Variants in DLG2 observed in about 807,000 individuals in gnomAD.
DLG2 encodes disks large homolog 2.
Under a neutral mutation model 132.5 loss-of-function variants are expected in DLG2, and 45 were observed. The observed-to-expected ratio is 0.34, with a 90% CI of 0.27 to 0.44. DLG2 has a LOEUF of 0.44. DLG2 is among the 20% of genes least tolerant of loss of function. The probability of loss-of-function intolerance (pLI) is 1.00; values close to 1 mark genes in which losing one functional copy is unlikely to be tolerated. For missense variants in DLG2, 1,045 were observed against 1,196.9 expected, an observed-to-expected ratio of 0.87 and a Z score of 1.87; for synonymous variants, 424 against 419.6, an observed-to-expected ratio of 1.01 and a Z score of -0.13.
At chr11:83,902,491 A>T (rs7111282) in intron 15 of DLG2, among the ~76,000 whole-genome samples, 14,696 of 152,282 alleles carry the variant, frequency 0.097, 841 homozygotes, top group Middle Eastern at 0.2. Context: ...TTCAGAAACA[A>T]TTACTCTTCA....
intron 7 of DLG2, among the ~76,000 whole-genome samples, chr11:84,403,004 C>G (rs1409148897): frequency 6.6e-6 from 1 of 151,798 alleles, no homozygotes; most frequent in Non-Finnish European, 1.5e-5. Context: ...TTCTCTCTCT[C>G]TCTCTCTCTG....
intron 6 of DLG2, among the ~76,000 whole-genome samples, chr11:84,724,854 G>A (rs1266956755): frequency 6.6e-6 from 1 of 152,148 alleles, no homozygotes; most frequent in Non-Finnish European, 1.5e-5. Context: ...TGGCAGAAGA[G>A]TACGGTCTAT....
At chr11:83,994,083 C>T (rs1199216154) in intron 11 of DLG2, among the ~76,000 whole-genome samples, 1 of 152,054 alleles carries the variant, frequency 6.6e-6, no homozygotes, top group Non-Finnish European at 1.5e-5. Flanking sequence ...TCTCTCTCTC[C>T]ACTGACCACA....
chr11:84,454,804 A>T (rs1464140447), intron 7 of DLG2, among the ~76,000 whole-genome samples: 1 of 151,396 alleles, frequency 6.6e-6, no homozygotes, highest in Non-Finnish European at 1.5e-5. Context: ...TAGTGACAGA[A>T]AGCTTATAAG....
chr11:83,655,155 A>G (rs980058968), intron 18 of DLG2, among the ~76,000 whole-genome samples: 3 of 152,224 alleles, frequency 2.0e-5, no homozygotes, highest in African/African-American at 7.2e-5. Flanking sequence ...TCTGTGACTC[A>G]TTACTAAAGA....
chr11:83,990,637 C>A (rs770522020), intron 11 of DLG2, among the ~76,000 whole-genome samples: 1 of 152,070 alleles, frequency 6.6e-6, no homozygotes, highest in Non-Finnish European at 1.5e-5. Context: ...ACAATGTACC[C>A]GAATATTCTT....
chr11:85,132,476 T>C (rs2075791268), intron 5 of DLG2, among the ~76,000 whole-genome samples: 1 of 151,946 alleles, frequency 6.6e-6, no homozygotes, highest in African/African-American at 2.4e-5. Flanking sequence ...ATTTCTATTA[T>C]GAGCTATAAA....
At chr11:85,292,036 A>T (rs554052192) in intron 3 of DLG2, among the ~76,000 whole-genome samples, 1 of 152,274 alleles carries the variant, frequency 6.6e-6, no homozygotes, top group South Asian at 2.1e-4. Flanking sequence ...ACTATATGTA[A>T]TGATGTTACA....
intron 4 of DLG2, among the ~76,000 whole-genome samples, chr11:85,207,937 G>C (rs1156715170): frequency 2.6e-5 from 4 of 151,640 alleles, no homozygotes; most frequent in African/African-American, 9.7e-5. Context: ...CATTTCAAAA[G>C]TAACCTCCTC....
intron 18 of DLG2, among the ~76,000 whole-genome samples, chr11:83,762,879 C>T (rs1039981281): frequency 1.3e-5 from 2 of 152,266 alleles, no homozygotes; most frequent in Non-Finnish European, 2.9e-5. Context: ...ATGTGCCTGG[C>T]CAAGTATTAA....
chr11:84,459,671 T>C lies in DLG2; in HGVS notation c.519+74899A>G, dbSNP rs189253755. On this transcript the variant is annotated intron_variant, in intron 7 of 27. Transcript: ENST00000376104. ...TAGTTTTATTCATCTATATCCTGCA[T>C]AGCTATATTAGAGTTATTTCTAGGT... Among the ~76,000 whole-genome samples, 3 of 150,828 alleles carry C rather than the reference T, an allele frequency of 2.0e-5. No individual in the cohort carries two copies. The East Asian group carries it at 5.9e-4, about 29-fold the overall frequency.
At chr11:84,107,013 T>TGTGAGA (rs1555348732) in intron 9 of DLG2, among the ~76,000 whole-genome samples, 6 of 126,108 alleles carry the variant, frequency 4.8e-5, no homozygotes, top group South Asian at 2.7e-4. Context: ...TGTGTGTGTG[T>TGTGAGA]GAGAGAGTTT....
At chr11:83,509,792 GA>G (rs2094913568) in intron 21 of DLG2, among the ~76,000 whole-genome samples, 1 of 151,986 alleles carries the variant, frequency 6.6e-6, no homozygotes, top group Non-Finnish European at 1.5e-5. Context: ...AGGCATATCA[GA>G]GATGTCTTGG....
intron 6 of DLG2, among the ~76,000 whole-genome samples, chr11:84,727,004 T>A (rs897034528): frequency 6.6e-6 from 1 of 152,216 alleles, no homozygotes; most frequent in African/African-American, 2.4e-5. Flanking sequence ...TAGCCCTTTG[T>A]CAGATGGATA....
chr11:83,640,860 C>T (rs903043558), intron 18 of DLG2, among the ~76,000 whole-genome samples: 4 of 152,128 alleles, frequency 2.6e-5, no homozygotes, highest in African/African-American at 9.7e-5. Context: ...TCTTTGTGAA[C>T]TATCTGGTTA....
At chr11:84,365,212 G>A (rs1321825722) in intron 7 of DLG2, among the ~76,000 whole-genome samples, 1 of 152,136 alleles carries the variant, frequency 6.6e-6, no homozygotes, top group African/African-American at 2.4e-5. Context: ...TCTATTCAGA[G>A]ATTCAACTTC....
intron 17 of DLG2, among the ~76,000 whole-genome samples, chr11:83,823,328 AG>A (rs2051406809): frequency 6.6e-6 from 1 of 152,170 alleles, no homozygotes; most frequent in Admixed American, 6.5e-5. Context: ...AAACTTGTAT[AG>A]GAAGTCCTTG....
At chr11:84,945,375 A>G (rs1439549523) in intron 6 of DLG2, among the ~76,000 whole-genome samples, 1 of 152,166 alleles carries the variant, frequency 6.6e-6, no homozygotes, top group Non-Finnish European at 1.5e-5. Flanking sequence ...TACCAAGTAG[A>G]AACTCCTGCT....
chr11:84,292,676 CT>C (rs1264204842), intron 7 of DLG2, among the ~76,000 whole-genome samples: 1 of 152,048 alleles, frequency 6.6e-6, no homozygotes, highest in African/African-American at 2.4e-5. Flanking sequence ...TCTATTAAGC[CT>C]TGTCAAACTT....
Sources: allele counts gnomAD v4.1 joint callset (sites outside exome capture counted in the v4.1 genomes callset), GRCh38; gene constraint gnomAD v4.1.1; transcripts MANE v1.5; gene names NCBI Gene and HGNC (gene_info 2026-07-23, HGNC 2026-07-21).